Variants in PHACTR1 observed in about 807,000 individuals in gnomAD.
PHACTR1 encodes the protein RPEL repeat containing 1.
Under a neutral mutation model 69.2 loss-of-function variants are expected in PHACTR1, and 16 were observed. The ratio of observed to expected loss-of-function variants is 0.23; its 90% CI spans 0.16 to 0.35. The LOEUF (loss-of-function observed/expected upper bound fraction) is 0.35, where lower values mean the gene tolerates loss of function less well. Ranked by LOEUF, PHACTR1 falls within the 10% of genes least tolerant of loss-of-function variation. PHACTR1 has a pLI of 1.00. For missense variants in PHACTR1, 510 were observed against 734.7 expected (o/e 0.69, Z 3.54); for synonymous variants, 312 against 284.5 (o/e 1.10, Z -0.97).
intron 4 of PHACTR1, among the ~76,000 whole-genome samples, chr6:12,783,742 G>C (rs1020176497): frequency 6.6e-6 from 1 of 152,170 alleles, no homozygotes; most frequent in Non-Finnish European, 1.5e-5. Flanking sequence ...AGGTTAGCAG[G>C]CTTAAGTGCA....
intron 4 of PHACTR1, among the ~76,000 whole-genome samples, chr6:12,889,605 TA>T (rs766911425): frequency 1.7e-4 from 26 of 152,188 alleles, no homozygotes; most frequent in African/African-American, 5.1e-4. Context: ...GTTTCAGTGT[TA>T]TTTTTTTGGC....
intron 4 of PHACTR1, among the ~76,000 whole-genome samples, chr6:12,826,823 G>A (rs923720815): frequency 8.5e-5 from 13 of 152,124 alleles, no homozygotes; most frequent in African/African-American, 3.1e-4. Context: ...TTTCTCCTGG[G>A]ACTCATTATG....
At chr6:12,986,860 TAAGC>T (rs1455099216) in intron 4 of PHACTR1, among the ~76,000 whole-genome samples, 2 of 152,142 alleles carry the variant, frequency 1.3e-5, no homozygotes, top group Admixed American at 1.3e-4. Context: ...GAGAACAAGG[TAAGC>T]AAAGGTTTAG....
intron 4 of PHACTR1, among the ~76,000 whole-genome samples, chr6:12,778,931 G>A (rs566044753): frequency 6.6e-6 from 1 of 152,354 alleles, no homozygotes; most frequent in Admixed American, 6.5e-5. Flanking sequence ...CAGGGCTCAT[G>A]GCTTAAGCCA....
chr6:12,937,563 TAAAC>T (rs1023533524), intron 4 of PHACTR1, among the ~76,000 whole-genome samples: 2 of 151,888 alleles, frequency 1.3e-5, no homozygotes, highest in African/African-American at 4.8e-5. Context: ...AGTAAACAAA[TAAAC>T]AAGCAAATAT....
intron 10 of PHACTR1, among the ~76,000 whole-genome samples, chr6:13,259,909 T>C (rs1028020649): frequency 2.0e-5 from 3 of 152,196 alleles, no homozygotes; most frequent in Admixed American, 6.5e-5. Context: ...TTAAGAGTTG[T>C]TCTGCTCAGT....
At chr6:12,997,023 C>A (rs144702350) in intron 4 of PHACTR1, among the ~76,000 whole-genome samples, 2 of 151,760 alleles carry the variant, frequency 1.3e-5, no homozygotes, top group Admixed American at 1.3e-4. Context: ...AAATTAGCCA[C>A]GCGTGTTGGC....
At chr6:13,023,301 T>G (rs1019423230) in intron 4 of PHACTR1, among the ~76,000 whole-genome samples, 2 of 152,216 alleles carry the variant, frequency 1.3e-5, no homozygotes, top group Non-Finnish European at 2.9e-5. Flanking sequence ...CTGACCTTTA[T>G]GTGGGCTTCA....
chr6:12,931,090 G>A (rs918456567), intron 4 of PHACTR1, among the ~76,000 whole-genome samples: 13 of 151,676 alleles, frequency 8.6e-5, no homozygotes, highest in Middle Eastern at 3.4e-3. Flanking sequence ...AAGGCTAAGC[G>A]TCTATAACAA....
At chr6:13,061,828 G>C (rs894436684) in intron 5 of PHACTR1, among the ~76,000 whole-genome samples, 3 of 152,262 alleles carry the variant, frequency 2.0e-5, no homozygotes, top group Admixed American at 2.0e-4. Flanking sequence ...TCCAAATTGA[G>C]ATGTTTTGGC....
chr6:12,773,517 T>C (rs1208504445), intron 4 of PHACTR1, among the ~76,000 whole-genome samples: 1 of 152,234 alleles, frequency 6.6e-6, no homozygotes, highest in Non-Finnish European at 1.5e-5. Context: ...CTTATTCTGT[T>C]ACTTAGTTTT....
chr6:12,993,156 G>A (rs1425241834), intron 4 of PHACTR1, among the ~76,000 whole-genome samples: 2 of 152,134 alleles, frequency 1.3e-5, no homozygotes, highest in Non-Finnish European at 2.9e-5. Context: ...TTTTTTGTTA[G>A]AAAAGAAATG....
At chr6:13,188,686 TA>T (rs2113760613) in intron 7 of PHACTR1, among the ~76,000 whole-genome samples, 1 of 152,360 alleles carries the variant, frequency 6.6e-6, no homozygotes, top group Non-Finnish European at 1.5e-5. Flanking sequence ...GTATTTGTCT[TA>T]CAAATTTCTT....
rs567012742 is a variant in PHACTR1, at chr6:12,941,311, G to A, written c.251-112054G>A. Among the ~76,000 whole-genome samples, 3 of 152,252 alleles carry A rather than the reference G, an allele frequency of 2.0e-5. No individual in the cohort carries two copies. The East Asian group carries it at 5.8e-4, about 29-fold the overall frequency. ...ATATTTAACCTACATCACATATTCTGTGTCACATCTGGTGCTTGGCCCACT... is the reference window on the plus strand; with the variant it reads ...ATATTTAACCTACATCACATATTCTATGTCACATCTGGTGCTTGGCCCACT... On this transcript the variant is annotated intron_variant, in intron 4 of 14. Coordinates refer to ENST00000332995, the MANE Select transcript of PHACTR1 (RefSeq NM_030948.6).
intron 4 of PHACTR1, among the ~76,000 whole-genome samples, chr6:13,008,436 T>C (rs1318801238): frequency 6.6e-6 from 1 of 152,166 alleles, no homozygotes; most frequent in Non-Finnish European, 1.5e-5. Context: ...CCCCTAAATT[T>C]CCTAAGGAAT....
At chr6:12,723,697 G>C (rs549699046) in intron 3 of PHACTR1, among the ~76,000 whole-genome samples, 1 of 152,036 alleles carries the variant, frequency 6.6e-6, no homozygotes, top group Admixed American at 6.6e-5. Context: ...ATGTTTCCCA[G>C]GCTGGTCTTA....
intron 6 of PHACTR1, among the ~76,000 whole-genome samples, chr6:13,169,106 G>A (rs949519593): frequency 6.6e-6 from 1 of 152,112 alleles, no homozygotes; most frequent in Non-Finnish European, 1.5e-5. Context: ...AGGACAGACT[G>A]GAGAGTTCTA....
At chr6:12,779,903 A>G (rs1387396370) in intron 4 of PHACTR1, among the ~76,000 whole-genome samples, 1 of 152,214 alleles carries the variant, frequency 6.6e-6, no homozygotes, top group Non-Finnish European at 1.5e-5. Context: ...ATGGTGAATT[A>G]TGTAATGCTC....
chr6:12,971,320 C>CTGTCT (rs1271823300), intron 4 of PHACTR1, among the ~76,000 whole-genome samples: 2 of 152,194 alleles, frequency 1.3e-5, no homozygotes, highest in Non-Finnish European at 2.9e-5. Context: ...TCATACTTAG[C>CTGTCT]TGTCTTCTTT....
Sources: allele counts gnomAD v4.1 joint callset (sites outside exome capture counted in the v4.1 genomes callset), GRCh38; gene constraint gnomAD v4.1.1; transcripts MANE v1.5; gene names NCBI Gene and HGNC (gene_info 2026-07-23, HGNC 2026-07-21).